HEATR4: variants seen among roughly 807,000 people sequenced by gnomAD.
The protein encoded by HEATR4 is HEAT repeat-containing protein 4.
Under a neutral mutation model 108.8 loss-of-function variants are expected in HEATR4, and 95 were observed. That is an observed-to-expected ratio of 0.87 (90% CI 0.74 to 1.04). The LOEUF (loss-of-function observed/expected upper bound fraction) is 1.04, where lower values mean the gene tolerates loss of function less well. Ranked by LOEUF, HEATR4 falls within the 50% of genes least tolerant of loss-of-function variation. The pLI is 0.00. For synonymous variants in HEATR4, 443 were observed against 459.4 expected (o/e 0.96, Z 0.46); for missense variants, 1,152 against 1,253.8 (o/e 0.92, Z 1.23).
the HEATR4 span, among the ~76,000 whole-genome samples, chr14:73,578,519 G>A: frequency 3.3e-5 from 5 of 151,980 alleles, no homozygotes; most frequent in African/African-American, 4.8e-5. Flanking sequence ...ATGAGCAACC[G>A]GGCCCAGCCT....
At chr14:73,619,842 T>C in the HEATR4 span, 1 of 1,584,148 alleles carries the variant, frequency 6.3e-7, no homozygotes, top group Non-Finnish European at 8.6e-7. Flanking sequence ...AAATATAACA[T>C]TGTAGCCACA....
chr14:73,537,505 G>A lies in HEATR4; in HGVS notation c.-151-7261C>T, dbSNP rs1188294139. 5 of 1,215,248 alleles carry A rather than the reference G, an allele frequency of 4.1e-6. 1 individual carries two copies. Among genetic ancestry groups the A allele is most frequent in the African/African-American group, 3.1e-5 (2 of 64,384 alleles). The allele number at this position is 1,215,248 out of a possible 1,614,324, so 75.3% of individuals were successfully genotyped here. On this transcript the variant is annotated intron_variant, in intron 1 of 17. Coordinates refer to ENST00000553558, the MANE Select transcript of HEATR4 (RefSeq NM_001220484.1). Reference sequence around the variant, plus strand: ...GAATCGCCGTGCGCGGCCTAGCCCCGGAGCAGCCGGTCACGCTGCGCGCGT... The same window carrying A: ...GAATCGCCGTGCGCGGCCTAGCCCCAGAGCAGCCGGTCACGCTGCGCGCGT...
chr14:73,609,917 G>A, the HEATR4 span, among the ~76,000 whole-genome samples: 21,620 of 151,740 alleles, frequency 0.14, 2,181 homozygotes, highest in Non-Finnish European at 0.22. Context: ...GAGATTACAG[G>A]CATGAGCCAC....
upstream of HEATR4, among the ~76,000 whole-genome samples, chr14:73,560,662 A>AG (rs1358743313): frequency 3.1e-3 from 161 of 51,308 alleles, no homozygotes; most frequent in Middle Eastern, 9.8e-3. Flanking sequence ...ACTCCATCTC[A>AG]AAAAAAAAAA....
At chr14:73,593,336 CTTTTTT>C in the HEATR4 span, among the ~76,000 whole-genome samples, 2 of 104,848 alleles carry the variant, frequency 1.9e-5, no homozygotes, top group Non-Finnish European at 3.6e-5. Flanking sequence ...TTCTTTCTTT[CTTTTTT>C]TTTTTTTTTT....
intron 12 of HEATR4, among the ~76,000 whole-genome samples, chr14:73,499,705 C>T (rs1297114215): frequency 1.3e-5 from 2 of 152,222 alleles, no homozygotes; most frequent in Admixed American, 1.3e-4. Flanking sequence ...TTGAACACTT[C>T]AAACAGATTT....
chr14:73,615,408 C>A, the HEATR4 span, among the ~76,000 whole-genome samples: 12,336 of 49,868 alleles, frequency 0.25, 2,090 homozygotes, highest in East Asian at 0.56. Flanking sequence ...AAAAAAAAAA[C>A]AAAAAACAAA....
At position 73,495,291 on chromosome 14, in the gene HEATR4, A is replaced by G. The variant is rs766856357; in HGVS notation, c.2722T>C (p.Leu908=). Reference sequence around the variant, plus strand: ...GGTCCTTGTTCTCCTTTGGGTTTCAAGTAAACACGTTTTGCTTCCTCCCTC... The same window carrying G: ...GGTCCTTGTTCTCCTTTGGGTTTCAGGTAAACACGTTTTGCTTCCTCCCTC... ...KVREEAKRVY[L]KPKGEQGPLT... The change falls in exon 16 of 18, where the codon TTG becomes CTG. Residue 908 remains leucine (L), a synonymous_variant. Transcript: ENST00000553558. The G allele has an allele frequency of 1.2e-6, 2 of 1,614,084 alleles. No individual in the cohort carries two copies. Among genetic ancestry groups the G allele is most frequent in the Non-Finnish European group, 1.7e-6 (2 of 1,179,996 alleles).
At chr14:73,627,067 C>G in the HEATR4 span, among the ~76,000 whole-genome samples, 1 of 151,808 alleles carries the variant, frequency 6.6e-6, no homozygotes, top group Admixed American at 6.6e-5. Context: ...GCTGGGATTA[C>G]AGGTGTGAGC....
At chr14:73,499,412 G>A (rs1222927398) in intron 12 of HEATR4, among the ~76,000 whole-genome samples, 1 of 152,092 alleles carries the variant, frequency 6.6e-6, no homozygotes, top group African/African-American at 2.4e-5. Flanking sequence ...CCTGGGAGGC[G>A]GAGGTTGTAG....
the HEATR4 span, chr14:73,632,128 TA>T: frequency 0.015 from 2,182 of 140,964 alleles, 33 homozygotes; most frequent in African/African-American, 0.045. Flanking sequence ...TGTGGTGGTT[TA>T]AAAAAAAAAA....
the HEATR4 span, chr14:73,610,996 G>A: frequency 6.6e-6 from 1 of 152,150 alleles, no homozygotes; most frequent in African/African-American, 2.4e-5. Flanking sequence ...TTGGGGGACT[G>A]GTTTCCAATG....
chr14:73,519,607 C>T (rs1887849560), intron 4 of HEATR4, among the ~76,000 whole-genome samples: 1 of 152,088 alleles, frequency 6.6e-6, no homozygotes, highest in Non-Finnish European at 1.5e-5. Context: ...TAGCTGGGTA[C>T]AGCTACTCGG....
rs972068387 is a variant in HEATR4, at chr14:73,542,769, G to C, written c.-151-12525C>G. 2.7e-5 allele frequency among the ~76,000 whole-genome samples: 3 copies of C among 111,974 alleles called. 1 individual carries two copies. The highest frequency in any genetic ancestry group is 3.8e-5 in the Non-Finnish European group (2 of 52,294). The allele number at this position is 111,974 out of a possible 152,430, so 73.5% of individuals were successfully genotyped here. ...TATGACAGTGGGAATGGGTGGCTCA[G>C]GTGGGAGACAGAAAAAGATCATGGG... On this transcript the variant is annotated intron_variant, in intron 1 of 17. Transcript: ENST00000553558.
At chr14:73,630,002 C>T in the HEATR4 span, among the ~76,000 whole-genome samples, 1 of 148,492 alleles carries the variant, frequency 6.7e-6, no homozygotes, top group African/African-American at 2.5e-5. Context: ...CCAGCTTGGG[C>T]GACAGAGCAA....
intron 3 of HEATR4, among the ~76,000 whole-genome samples, chr14:73,521,511 T>C (rs1397078313): frequency 3.9e-5 from 6 of 152,180 alleles, no homozygotes; most frequent in Admixed American, 3.3e-4. Flanking sequence ...TCCCAGCACT[T>C]TGCAGAGTGC....
the HEATR4 span, among the ~76,000 whole-genome samples, chr14:73,577,012 C>T: frequency 6.7e-6 from 1 of 149,218 alleles, no homozygotes; most frequent in Non-Finnish European, 1.5e-5. Context: ...CTCACTGCAG[C>T]CTCAACCTCG....
rs1219053722 is a variant in HEATR4, at chr14:73,492,375, GTCT to G, written c.2844+688_2844+690del. 1 of 1,613,800 alleles carries G rather than the reference GTCT, an allele frequency of 6.2e-7. No homozygotes were observed. Among genetic ancestry groups the G allele is most frequent in the African/African-American group, 1.3e-5 (1 of 74,914 alleles). On this transcript the variant is annotated intron_variant, in intron 17 of 17. Transcript: ENST00000553558. The surrounding 1 kb of genome is among the most constrained non-coding windows in gnomAD (Gnocchi z 4.9). ...GAAGAAAATGTGGAGTTTCGGAGGG[GTCT>G]GCCCCGAGACTTCATGGATTACATG... is the stretch of plus-strand genomic sequence containing the variant.
chr14:73,521,096 T>C, intron 3 of HEATR4, 57 bp from the exon 4 acceptor site: 1 of 1,465,384 alleles, frequency 6.8e-7, no homozygotes, highest in African/African-American at 1.4e-5. Flanking sequence ...TGGATCCCCC[T>C]TTCCATTAAA....
Sources: gnomAD v4.1 joint callset for allele counts (sites outside exome capture counted in the v4.1 genomes callset) on GRCh38, gnomAD v4.1.1 for gene constraint, Gnocchi (gnomAD v3.1) non-coding constraint, MANE v1.5 for transcripts, NCBI Gene and HGNC (gene_info 2026-07-23, HGNC 2026-07-21) for gene names.